THSD4: variants seen among roughly 807,000 people sequenced by gnomAD.
THSD4 encodes the protein thrombospondin type 1 domain containing 4.
A neutral mutation model predicts 119.0 loss-of-function variants in THSD4; 69 were observed. That is an observed-to-expected ratio of 0.58 (90% CI 0.48 to 0.71). The LOEUF (loss-of-function observed/expected upper bound fraction) is 0.71, where lower values mean the gene tolerates loss of function less well. THSD4 is among the 30% of genes least tolerant of loss of function. The pLI is 0.00. For synonymous variants in THSD4, 524 were observed against 540.4 expected (o/e 0.97, Z 0.42); for missense variants, 1,393 against 1,391.1 (o/e 1.00, Z -0.02).
At chr15:71,580,656 C>T (rs987360965) in intron 7 of THSD4, among the ~76,000 whole-genome samples, 1 of 152,152 alleles carries the variant, frequency 6.6e-6, no homozygotes, top group Non-Finnish European at 1.5e-5. Flanking sequence ...AGTTCCACCA[C>T]CAAGGCCCTG....
At chr15:71,352,912 C>T (rs758599950) in intron 6 of THSD4, among the ~76,000 whole-genome samples, 4 of 152,224 alleles carry the variant, frequency 2.6e-5, no homozygotes, top group Non-Finnish European at 4.4e-5. Flanking sequence ...AAGGGAGCAT[C>T]GTGAGCAATG....
At chr15:71,380,668 A>C (rs914254933) in intron 6 of THSD4, among the ~76,000 whole-genome samples, 1 of 152,094 alleles carries the variant, frequency 6.6e-6, no homozygotes, top group Non-Finnish European at 1.5e-5. Flanking sequence ...TTTGGTTTTG[A>C]TGGCAATCAA....
At chr15:71,685,589 C>A (rs540055146) in intron 8 of THSD4, among the ~76,000 whole-genome samples, 2 of 152,208 alleles carry the variant, frequency 1.3e-5, no homozygotes, top group African/African-American at 4.8e-5. Context: ...ATTCTCATAT[C>A]TGCTTCTCCA....
At chr15:71,698,529 G>A (rs1035408495) in intron 8 of THSD4, among the ~76,000 whole-genome samples, 2 of 151,184 alleles carry the variant, frequency 1.3e-5, no homozygotes, top group African/African-American at 4.9e-5. Flanking sequence ...TGAGATCAGT[G>A]AACTCCCTTA....
chr15:71,097,636 A>G (rs939513375), intron 1 of THSD4, among the ~76,000 whole-genome samples: 10 of 151,178 alleles, frequency 6.6e-5, no homozygotes, highest in Non-Finnish European at 1.3e-4. Context: ...AAAAAGAGAC[A>G]GATAGGTTAC....
At chr15:71,536,325 A>G (rs956673819) in intron 7 of THSD4, among the ~76,000 whole-genome samples, 3 of 152,146 alleles carry the variant, frequency 2.0e-5, no homozygotes, top group Admixed American at 6.5e-5. Context: ...AAAGCCTGCA[A>G]TGGCAGGTTG....
chr15:71,727,558 A>G (rs2052876253), intron 8 of THSD4, among the ~76,000 whole-genome samples: 1 of 120,986 alleles, frequency 8.3e-6, no homozygotes, highest in African/African-American at 4.1e-5. Flanking sequence ...AAAAAAATAT[A>G]TATATATATA....
chr15:71,610,023 T>C lies in THSD4; in HGVS notation c.1153-50507T>C, dbSNP rs2140909115. ...CGGCCTGGCATGGAATCCGAGACTG[T>C]CATCGACAATAAAGAGGTGAAAACT... On this transcript the variant is annotated intron_variant, in intron 7 of 17. Transcript: ENST00000261862. Among the ~76,000 whole-genome samples the C allele has an allele frequency of 1.3e-5, 2 of 152,204 alleles. 1 individual carries two copies. The highest frequency in any genetic ancestry group is 4.2e-4 in the South Asian group (2 of 4,814).
chr15:71,539,513 G>A (rs1027714072), intron 7 of THSD4, among the ~76,000 whole-genome samples: 1 of 152,162 alleles, frequency 6.6e-6, no homozygotes, highest in African/African-American at 2.4e-5. Flanking sequence ...TTCTTTATTA[G>A]TAAGAGGTAG....
At chr15:71,609,851 C>CAAA (rs369430349) in intron 7 of THSD4, among the ~76,000 whole-genome samples, 8 of 115,530 alleles carry the variant, frequency 6.9e-5, no homozygotes, top group African/African-American at 1.0e-4. Flanking sequence ...GACTCCGTCT[C>CAAA]AAAAAAAAAA....
intron 7 of THSD4, among the ~76,000 whole-genome samples, chr15:71,509,472 G>A (rs1046818085): frequency 3.9e-5 from 6 of 152,218 alleles, no homozygotes; most frequent in African/African-American, 1.4e-4. Flanking sequence ...TAGCTTGTAA[G>A]TAAGTGGAGT....
At chr15:71,165,352 G>A (rs2141394679) in intron 3 of THSD4, 9 of 1,292,480 alleles carry the variant, frequency 7.0e-6, no homozygotes, top group South Asian at 2.5e-5. Flanking sequence ...TCCTCCCGAC[G>A]TTTGCACAAA....
intron 3 of THSD4, among the ~76,000 whole-genome samples, chr15:71,158,404 C>G (rs765882878): frequency 6.6e-6 from 1 of 152,058 alleles, no homozygotes; most frequent in Non-Finnish European, 1.5e-5. Flanking sequence ...CTGCCCACCT[C>G]GGCCTTCCAA....
intron 7 of THSD4, among the ~76,000 whole-genome samples, chr15:71,481,025 C>G (rs2047722959): frequency 6.6e-6 from 1 of 152,206 alleles, no homozygotes; most frequent in East Asian, 1.9e-4. Flanking sequence ...TGTGACCAGA[C>G]CACCCTTGTT....
At chr15:71,382,317 T>G (rs961735413) in intron 6 of THSD4, among the ~76,000 whole-genome samples, 1 of 152,288 alleles carries the variant, frequency 6.6e-6, no homozygotes, top group African/African-American at 2.4e-5. Flanking sequence ...CAGAAGCCAA[T>G]ACTCCAAGAA....
chr15:71,575,626 G>A (rs1047509283), intron 7 of THSD4, among the ~76,000 whole-genome samples: 1 of 152,146 alleles, frequency 6.6e-6, no homozygotes, highest in African/African-American at 2.4e-5. Context: ...ATTCTAGAAA[G>A]ATTATTTTGG....
At chr15:71,312,201 G>A (rs1440885936) in intron 6 of THSD4, among the ~76,000 whole-genome samples, 5 of 152,090 alleles carry the variant, frequency 3.3e-5, no homozygotes, top group African/African-American at 4.8e-5. Flanking sequence ...AATTGAGGCC[G>A]TCTGTAATCC....
intron 7 of THSD4, among the ~76,000 whole-genome samples, chr15:71,424,016 C>T (rs895855192): frequency 1.3e-5 from 2 of 151,920 alleles, no homozygotes; most frequent in Admixed American, 6.5e-5. Context: ...AAAAGCGCTC[C>T]GACTCTCTGC....
chr15:71,480,603 G>T (rs1249679587), intron 7 of THSD4, among the ~76,000 whole-genome samples: 1 of 152,230 alleles, frequency 6.6e-6, no homozygotes, highest in East Asian at 1.9e-4. Flanking sequence ...TAATGAGGTG[G>T]AGCGGGCTCT....
Sources: allele counts gnomAD v4.1 joint callset (sites outside exome capture counted in the v4.1 genomes callset), GRCh38; gene constraint gnomAD v4.1.1; transcripts MANE v1.5; gene names NCBI Gene and HGNC (gene_info 2026-07-23, HGNC 2026-07-21).